Variants in GREB1L observed in about 807,000 individuals in gnomAD.
GREB1L encodes the protein GREB1 like retinoic acid receptor coactivator.
Under a neutral mutation model 200.8 loss-of-function variants are expected in GREB1L, and 17 were observed. The ratio of observed to expected loss-of-function variants is 0.08; its 90% confidence interval spans 0.06 to 0.13. GREB1L has a LOEUF of 0.13. Among genes scored for constraint, GREB1L ranks in the 10% least tolerant of loss-of-function variants. The pLI, the probability that GREB1L is intolerant of heterozygous loss-of-function variation, is 1.00. For missense variants in GREB1L, 1,657 were observed against 2,367.7 expected (o/e 0.70, Z 6.23); for synonymous variants, 789 against 893.0 (o/e 0.88, Z 2.08).
chr18:21,321,690 AAAAAAC>A (rs1485073756), intron 1 of GREB1L, among the ~76,000 whole-genome samples: 3 of 152,212 alleles, frequency 2.0e-5, no homozygotes, highest in Non-Finnish European at 4.4e-5. Flanking sequence ...TATGTCTCAA[AAAAAAC>A]AAAAACAAAA....
At chr18:21,249,540 G>T (rs1257144756) in intron 1 of GREB1L, among the ~76,000 whole-genome samples, 1 of 152,124 alleles carries the variant, frequency 6.6e-6, no homozygotes, top group African/African-American at 2.4e-5. Context: ...TAAGTGCTGG[G>T]GATGCTGCAG....
At chr18:21,445,094 G>A (rs926129090) in intron 11 of GREB1L, among the ~76,000 whole-genome samples, 3 of 152,202 alleles carry the variant, frequency 2.0e-5, no homozygotes, top group Non-Finnish European at 2.9e-5. Context: ...CATTTACATC[G>A]AAATGTCCTT....
chr18:21,285,614 C>T (rs1456865289), intron 1 of GREB1L, among the ~76,000 whole-genome samples: 1 of 152,156 alleles, frequency 6.6e-6, no homozygotes, highest in Non-Finnish European at 1.5e-5. Flanking sequence ...AGAACCTCCT[C>T]AAAATGTTCT....
At chr18:21,338,754 T>G (rs1330372396) in intron 1 of GREB1L, among the ~76,000 whole-genome samples, 2 of 152,240 alleles carry the variant, frequency 1.3e-5, no homozygotes, top group African/African-American at 2.4e-5. Context: ...AGCCTACATA[T>G]CTCAACTCCT....
At chr18:21,275,522 G>T (rs1165384448) in intron 1 of GREB1L, among the ~76,000 whole-genome samples, 1 of 149,982 alleles carries the variant, frequency 6.7e-6, no homozygotes. Context: ...GCGTGGTGGT[G>T]CTCGCCTGTA....
intron 10 of GREB1L, among the ~76,000 whole-genome samples, chr18:21,443,967 G>T (rs149908964): frequency 1.3e-5 from 2 of 152,262 alleles, no homozygotes; most frequent in African/African-American, 4.8e-5. Flanking sequence ...TTCAGTCCAC[G>T]GTTGATTGAA....
intron 1 of GREB1L, among the ~76,000 whole-genome samples, chr18:21,265,816 T>A (rs1396761052): frequency 6.6e-6 from 1 of 152,168 alleles, no homozygotes; most frequent in African/African-American, 2.4e-5. Flanking sequence ...CCTGTAGCAA[T>A]GACTGTAATA....
At chr18:21,444,857 G>A (rs887224207) in intron 11 of GREB1L, among the ~76,000 whole-genome samples, 1 of 152,054 alleles carries the variant, frequency 6.6e-6, no homozygotes, top group Non-Finnish European at 1.5e-5. Context: ...TTATCCACTG[G>A]CCCTACACCC....
Position 21,481,183 on chromosome 18 carries a change from A to G in GREB1L, c.2556+3827A>G, listed in dbSNP as rs543637971. Reference sequence around the variant, plus strand: ...GAGAGGTCCAGAGGAAGCTCCGTGGAAAAGAGAGAACAGGGGATGGCCCTG... The same window carrying G: ...GAGAGGTCCAGAGGAAGCTCCGTGGGAAAGAGAGAACAGGGGATGGCCCTG... On this transcript the variant is annotated intron_variant, in intron 17 of 32. Transcript: ENST00000424526. Among the ~76,000 whole-genome samples, 277 of 152,076 alleles carry G rather than the reference A, an allele frequency of 1.8e-3. 2 individuals are homozygous for G. Among genetic ancestry groups the G allele is most frequent in the African/African-American group, 6.4e-3 (267 of 41,474 alleles).
At chr18:21,426,126 G>A (rs1321289147) in intron 7 of GREB1L, among the ~76,000 whole-genome samples, 3 of 149,432 alleles carry the variant, frequency 2.0e-5, no homozygotes, top group Non-Finnish European at 3.0e-5. Context: ...GCTCGATCTC[G>A]GCTCACTGCA....
rs2039617939 is a variant in GREB1L, at chr18:21,363,871, C to T, written c.-119-2156C>T. The T allele has an allele frequency of 3.3e-5, 5 of 152,062 alleles. No homozygotes were observed. In the South Asian group the frequency reaches 1.0e-3, roughly 32 times the overall value. The allele number at this position is 152,062 out of a possible 1,614,324, so 9.4% of individuals were successfully genotyped here. A position where few individuals can be genotyped will look rare whatever the true frequency, so the allele number is the denominator to read the frequency against. On this transcript the variant is annotated intron_variant, in intron 1 of 32. Coordinates refer to ENST00000424526, the MANE Select transcript of GREB1L (RefSeq NM_001142966.3). ...GACATCTGCATCATGGTAAACAATT[C>T]CATGCTTTGGATTTGCAAAATGTGT...
chr18:21,520,632 G>C, intron 31 of GREB1L, 56 bp from the exon 32 acceptor site: 3 of 1,535,054 alleles, frequency 2.0e-6, no homozygotes, highest in Non-Finnish European at 2.6e-6. Flanking sequence ...CTGCTGAACT[G>C]CAGATATTTT....
intron 7 of GREB1L, among the ~76,000 whole-genome samples, chr18:21,423,837 A>G (rs761307434): frequency 1.1e-4 from 16 of 152,128 alleles, no homozygotes; most frequent in Admixed American, 3.3e-4. Context: ...CAGCCTGGGT[A>G]ACAGAGTGAG....
At chr18:21,324,531 G>A (rs2038994348) in intron 1 of GREB1L, among the ~76,000 whole-genome samples, 1 of 152,180 alleles carries the variant, frequency 6.6e-6, no homozygotes, top group Non-Finnish European at 1.5e-5. Flanking sequence ...AATGCTTCTG[G>A]CCGGGTGTGG....
intron 1 of GREB1L, among the ~76,000 whole-genome samples, chr18:21,307,956 A>G (rs1358085341): frequency 6.6e-6 from 1 of 152,230 alleles, no homozygotes; most frequent in Admixed American, 6.5e-5. Context: ...AAATTAGAGC[A>G]GTATCCCTTT....
At chr18:21,438,074 A>G (rs1284294144) in intron 7 of GREB1L, among the ~76,000 whole-genome samples, 1 of 152,066 alleles carries the variant, frequency 6.6e-6, no homozygotes, top group African/African-American at 2.4e-5. Context: ...TGAACCCAGG[A>G]GTCCAAGACC....
intron 1 of GREB1L, among the ~76,000 whole-genome samples, chr18:21,268,194 AAGC>A (rs1337711938): frequency 6.6e-6 from 1 of 152,014 alleles, no homozygotes; most frequent in Non-Finnish European, 1.5e-5. Context: ...GCGGAATCAA[AAGC>A]AGCACTTTCA....
intron 1 of GREB1L, among the ~76,000 whole-genome samples, chr18:21,287,780 A>C (rs2038380714): frequency 6.6e-6 from 1 of 151,992 alleles, no homozygotes; most frequent in Non-Finnish European, 1.5e-5. Context: ...TCTGCATGAA[A>C]TAAGTTTAAA....
At chr18:21,389,383 A>G (rs1272803118) in intron 4 of GREB1L, among the ~76,000 whole-genome samples, 1 of 116,482 alleles carries the variant, frequency 8.6e-6, no homozygotes, top group African/African-American at 4.3e-5. Context: ...TTTCACGGGC[A>G]CAGGAACCTC....
Sources: allele counts gnomAD v4.1 joint callset (sites outside exome capture counted in the v4.1 genomes callset), GRCh38; gene constraint gnomAD v4.1.1; transcripts MANE v1.5; gene names NCBI Gene and HGNC (gene_info 2026-07-23, HGNC 2026-07-21).